UCKL1: variants seen among roughly 807,000 people sequenced by gnomAD.
UCKL1 encodes the protein uridine-cytidine kinase 1 like 1.
UCKL1 carries 65 observed loss-of-function variants against 59.2 expected under a neutral mutation model. That is an observed-to-expected ratio of 1.10 (90% CI 0.90 to 1.35). UCKL1 has a LOEUF of 1.35. Among genes scored for constraint, UCKL1 ranks in the 40% most tolerant of loss-of-function variants. The pLI is 0.00. For synonymous variants in UCKL1, 410 were observed against 323.1 expected, an observed-to-expected ratio of 1.27 and a Z score of -2.88; for missense variants, 703 against 784.3, an observed-to-expected ratio of 0.90 and a Z score of 1.24.
chr20:63,941,354 G>C, intron 8 of UCKL1, 146 bp from the exon 9 acceptor site: 7 of 1,266,816 alleles, frequency 5.5e-6, no homozygotes, highest in Non-Finnish European at 7.6e-6. Flanking sequence ...TTCTGCCTGG[G>C]GCTGAGCTGG....
Position 63,952,364 on chromosome 20 carries a change from C to T in UCKL1, c.113+3896G>A, listed in dbSNP as rs573860305. Among the ~76,000 whole-genome samples the T allele has an allele frequency of 3.2e-4, 49 of 152,284 alleles. 1 individual carries two copies. The highest frequency in any genetic ancestry group is 9.9e-4 in the African/African-American group (41 of 41,572). ...GGAAGCCAGCACTGTGCTGGCCAGGCGAGGGACGGAGGAGCCCAGGCACGC... is the reference window on the plus strand; with the variant it reads ...GGAAGCCAGCACTGTGCTGGCCAGGTGAGGGACGGAGGAGCCCAGGCACGC... On this transcript the variant is annotated intron_variant, in intron 1 of 14. Coordinates refer to ENST00000354216, the MANE Select transcript of UCKL1 (RefSeq NM_017859.4).
intron 1 of UCKL1, among the ~76,000 whole-genome samples, chr20:63,948,070 G>A (rs778764488): frequency 6.6e-6 from 1 of 152,216 alleles, no homozygotes; most frequent in Non-Finnish European, 1.5e-5. Flanking sequence ...GTGTGAAGAT[G>A]CCATGAGACA....
Position 63,947,363 on chromosome 20 carries a change from G to A in UCKL1, c.114-720C>T, listed in dbSNP as rs1027873601. Among the ~76,000 whole-genome samples the A allele has an allele frequency of 3.2e-4, 49 of 152,230 alleles. 1 individual carries two copies. Among genetic ancestry groups the A allele is most frequent in the Admixed American group, 2.7e-3 (42 of 15,288 alleles). On this transcript the variant is annotated intron_variant, in intron 1 of 14. Coordinates refer to ENST00000354216, the MANE Select transcript of UCKL1 (RefSeq NM_017859.4). The stretch of plus-strand genomic sequence containing the variant: ...AATGGACCACGTTCCCTTGCAACCC[G>A]GCACACTCTCTGGGCAGCCAAATCG...
chr20:63,941,074 C>G, intron 9 of UCKL1, 31 bp from the exon 10 acceptor site: 1 of 1,596,874 alleles, frequency 6.3e-7, no homozygotes, highest in South Asian at 1.1e-5. Flanking sequence ...CGGGAGCACG[C>G]GCCCGGGGCC....
At position 63,939,886 on chromosome 20, in the gene UCKL1, A is replaced by C. The variant is rs1395505636; in HGVS notation, c.*90T>G. ...AATGCATAGAATAAATTATACTAGTAACATTTTAAAAATTAACATCTTTGT... is the reference window on the plus strand; with the variant it reads ...AATGCATAGAATAAATTATACTAGTCACATTTTAAAAATTAACATCTTTGT... On this transcript the variant is annotated 3_prime_UTR_variant, in exon 15 of 15. Transcript: ENST00000354216. 4.5e-6 allele frequency: 5 copies of C among 1,101,174 alleles called. No homozygotes were observed. Among genetic ancestry groups the C allele is most frequent in the Middle Eastern group, 2.5e-4 (1 of 4,012 alleles). 68.2% of individuals were successfully genotyped at this position (1,101,174 alleles called of 1,614,324 possible).
chr20:63,947,948 AG>A (rs1250175383), intron 1 of UCKL1, among the ~76,000 whole-genome samples: 1 of 151,042 alleles, frequency 6.6e-6, no homozygotes, highest in Non-Finnish European at 1.5e-5. Context: ...GAGCCCTGGG[AG>A]GGGCAGCCTC....
At chr20:63,947,777 A>G (rs1157277975) in intron 1 of UCKL1, among the ~76,000 whole-genome samples, 2 of 152,136 alleles carry the variant, frequency 1.3e-5, no homozygotes, top group Non-Finnish European at 2.9e-5. Context: ...GGTAAGGGGG[A>G]GCCCCTAAAG....
intron 12 of UCKL1, 33 bp downstream of exon 12, chr20:63,940,561 C>G (rs753956592): frequency 1.2e-5 from 19 of 1,604,812 alleles, no homozygotes; most frequent in Middle Eastern, 1.7e-4. Context: ...GCCCCCTACC[C>G]CCGGGCTCAT....
chr20:63,950,706 A>C (rs2057452665), intron 1 of UCKL1: 3 of 1,455,562 alleles, frequency 2.1e-6, no homozygotes, highest in Non-Finnish European at 2.7e-6. Context: ...AGTGGCCAGG[A>C]CCACAGCACA....
chr20:63,944,820 TG>T, intron 5 of UCKL1, 86 bp from the exon 6 acceptor site: 1 of 1,511,086 alleles, frequency 6.6e-7, no homozygotes, highest in Non-Finnish European at 8.9e-7. Flanking sequence ...TGAGGCCGCC[TG>T]GTCCGTGGGC....
rs758676335 is a variant in UCKL1 at position 63,941,222 on chromosome 20, G to A, written c.924-14C>T. ...GCCAGCGCAGCCCTGGGGACAAACCGATGGGGAACACTCAAGAAGGGGGTC... is the reference window on the plus strand; with the variant it reads ...GCCAGCGCAGCCCTGGGGACAAACCAATGGGGAACACTCAAGAAGGGGGTC... On this transcript the variant is annotated splice_polypyrimidine_tract_variant and intron_variant, in intron 8 of 14. Transcript: ENST00000354216. 5 of 1,498,150 alleles carry A rather than the reference G, an allele frequency of 3.3e-6. No individual in the cohort carries two copies. In the South Asian group the frequency reaches 3.8e-5, roughly 11 times the overall value. The allele number at this position is 1,498,150 out of a possible 1,614,324, so 92.8% of individuals were successfully genotyped here. A position where few individuals can be genotyped will look rare whatever the true frequency, so the allele number is the denominator to read the frequency against.
intron 1 of UCKL1, chr20:63,955,675 C>G (rs2058494879): frequency 6.6e-6 from 1 of 152,210 alleles, no homozygotes; most frequent in South Asian, 2.1e-4. Context: ...CGGCCACGGC[C>G]CCAAAGGCGC....
At chr20:63,955,639 G>A (rs553502022) in intron 1 of UCKL1, 2 of 152,292 alleles carry the variant, frequency 1.3e-5, no homozygotes, top group Non-Finnish European at 2.9e-5. Context: ...TGCAGCCCCG[G>A]GCACTGCGTG....
intron 5 of UCKL1, among the ~76,000 whole-genome samples, chr20:63,945,338 C>T (rs1011369152): frequency 3.3e-5 from 5 of 152,172 alleles, no homozygotes; most frequent in African/African-American, 7.2e-5. Flanking sequence ...CTCTCAAACA[C>T]ACCAGCCCTG....
rs201726482 is a variant in UCKL1 at position 63,946,610 on chromosome 20, T to A, written c.147A>T (p.Pro49=). 40 of 1,610,224 alleles carry A rather than the reference T, an allele frequency of 2.5e-5. No individual in the cohort carries two copies. Among genetic ancestry groups the A allele is most frequent in the Middle Eastern group, 3.3e-4 (2 of 6,066 alleles). Residue 49 remains proline, a synonymous_variant, in exon 2 of 15, where the codon CCA becomes CCT. Transcript: ENST00000354216. ...GGGGAGAGCGCCCAGTGCCCACAGG[T>A]GGCAGGAGCCTGTCCAGGGACTCTG... ...SNAESLDRLL[P]PVGTGRSPRK...
intron 8 of UCKL1, chr20:63,942,496 G>A: frequency 8.5e-7 from 1 of 1,175,314 alleles, no homozygotes; most frequent in East Asian, 6.4e-5. Flanking sequence ...TCCTCTGCTT[G>A]CCAGGTGAAG....
intron 1 of UCKL1, among the ~76,000 whole-genome samples, chr20:63,949,894 A>ACAGACAC (rs1228428868): frequency 1.3e-5 from 2 of 152,222 alleles, no homozygotes. Context: ...AACTTGAGGG[A>ACAGACAC]CAGACACCAG....
At chr20:63,945,766 G>A in intron 4 of UCKL1, 39 bp downstream of exon 4, 1 of 1,612,766 alleles carries the variant, frequency 6.2e-7, no homozygotes, top group East Asian at 2.2e-5. Flanking sequence ...TCATGTGCCT[G>A]CAGCCCCCCG....
At chr20:63,949,065 C>G (rs1039874167) in intron 1 of UCKL1, among the ~76,000 whole-genome samples, 1 of 152,174 alleles carries the variant, frequency 6.6e-6, no homozygotes, top group Non-Finnish European at 1.5e-5. Context: ...AGAGACCCGC[C>G]GTCTGCACCT....
Sources: allele counts gnomAD v4.1 joint callset (sites outside exome capture counted in the v4.1 genomes callset), GRCh38; gene constraint gnomAD v4.1.1; transcripts MANE v1.5; gene names NCBI Gene and HGNC (gene_info 2026-07-23, HGNC 2026-07-21).